Variants in DMD observed in about 807,000 individuals in gnomAD.
DMD encodes dystrophin.
In DMD, 63 loss-of-function variants were observed where a neutral mutation model predicts 330.1. The ratio of observed to expected loss-of-function variants is 0.19; its 90% CI spans 0.16 to 0.24. The LOEUF is 0.24. DMD is among the 10% of genes least tolerant of loss of function. The probability of loss-of-function intolerance (pLI) is 1.00; values close to 1 mark genes in which losing one functional copy is unlikely to be tolerated. For synonymous variants in DMD, 1,223 were observed against 959.8 expected (o/e 1.27, Z -5.07); for missense variants, 3,344 against 2,684.1 (o/e 1.25, Z -5.43).
rs113826793 is a variant in DMD at position 32,563,282 on chromosome X, G to A, written c.1992+2420C>T. On this transcript the variant is annotated intron_variant, in intron 16 of 78. Coordinates refer to ENST00000357033, the MANE Select transcript of DMD (RefSeq NM_004006.3). ...GGTGTGAACCCAGGAGGCAGAGCTTGCAGTGAGCTGAGATTGTGCCACTGC... is the reference window on the plus strand; with the variant it reads ...GGTGTGAACCCAGGAGGCAGAGCTTACAGTGAGCTGAGATTGTGCCACTGC... Among the ~76,000 whole-genome samples, 920 of 98,395 alleles carry A rather than the reference G, an allele frequency of 9.4e-3. 11 individuals carry two copies. Among genetic ancestry groups the A allele is most frequent in the African/African-American group, 0.033 (865 of 26,069 alleles). 85.4% of individuals were successfully genotyped at this position (98,395 alleles called of 115,157 possible).
rs1239658853 is a variant in DMD at position 31,940,247 on chromosome X, G to A, written c.6615-8020C>T. ...AAGGGTGATCATAGAAGGTTCCATG[G>A]AGAAGGAGACATTTGAGCAAAGTCC... On this transcript the variant is annotated intron_variant, in intron 45 of 78. Transcript: ENST00000357033. 2.7e-5 allele frequency among the ~76,000 whole-genome samples: 3 copies of A among 111,861 alleles called. No individual in the cohort carries two copies. The Admixed American group carries it at 2.8e-4, about 11-fold the overall frequency.
chrX:32,838,081 AGTG>A (rs2079816040), intron 4 of DMD, among the ~76,000 whole-genome samples: 1 of 111,776 alleles, frequency 8.9e-6, no homozygotes. Flanking sequence ...TAAACTTGAC[AGTG>A]GTGAATTAAT....
intron 7 of DMD, among the ~76,000 whole-genome samples, chrX:32,738,100 C>G (rs1384209618): frequency 9.0e-6 from 1 of 111,338 alleles, no homozygotes; most frequent in African/African-American, 3.3e-5. Context: ...GAAATATGGG[C>G]AAAACTGATG....
chrX:33,218,684 C>T (rs1306822166), intron 1 of DMD, among the ~76,000 whole-genome samples: 3 of 111,634 alleles, frequency 2.7e-5, no homozygotes, highest in African/African-American at 9.7e-5. Context: ...TCATTATGTG[C>T]TTGAGTACTT....
chrX:32,508,161 C>T (rs1376770681), intron 18 of DMD, among the ~76,000 whole-genome samples: 1 of 111,108 alleles, frequency 9.0e-6, no homozygotes, highest in Non-Finnish European at 1.9e-5. Flanking sequence ...TGATTACCAA[C>T]TCTGTATACA....
chrX:31,704,734 T>C (rs1037544568), intron 52 of DMD, among the ~76,000 whole-genome samples: 2 of 111,961 alleles, frequency 1.8e-5, no homozygotes, highest in Non-Finnish European at 3.8e-5. Flanking sequence ...AGTTCTTTAA[T>C]AAATAAAGAG....
intron 62 of DMD, among the ~76,000 whole-genome samples, chrX:31,293,131 T>TCC (rs1491168238): frequency 9.7e-6 from 1 of 103,291 alleles, no homozygotes; most frequent in Non-Finnish European, 2.0e-5. Context: ...ATATTCGCTT[T>TCC]CTCTCTCTCT....
chrX:31,924,301 G>A (rs1475310677), intron 47 of DMD, among the ~76,000 whole-genome samples: 1 of 112,040 alleles, frequency 8.9e-6, no homozygotes, highest in African/African-American at 3.2e-5. Context: ...CCAAGCTCTA[G>A]CTTTATTTAA....
intron 6 of DMD, among the ~76,000 whole-genome samples, chrX:32,814,220 G>A (rs188367448): frequency 8.9e-6 from 1 of 112,293 alleles, no homozygotes; most frequent in Non-Finnish European, 1.9e-5. Context: ...TATAGTTATT[G>A]TAATTTTATC....
intron 1 of DMD, among the ~76,000 whole-genome samples, chrX:33,098,465 G>C (rs1001331541): frequency 9.0e-6 from 1 of 111,330 alleles, no homozygotes; most frequent in Non-Finnish European, 1.9e-5. Flanking sequence ...TAAAAATTGT[G>C]AGGAGCTTAG....
chrX:33,016,961 G>C (rs1161428375), intron 2 of DMD, among the ~76,000 whole-genome samples: 7 of 111,541 alleles, frequency 6.3e-5, no homozygotes, highest in Non-Finnish European at 7.5e-5. Flanking sequence ...TAAATTACAT[G>C]GAAAGAATAT....
chrX:32,326,099 A>G (rs2097649332), intron 41 of DMD, among the ~76,000 whole-genome samples: 1 of 112,061 alleles, frequency 8.9e-6, no homozygotes, highest in Non-Finnish European at 1.9e-5. Context: ...CTGGCACATT[A>G]GACCATCTTT....
intron 22 of DMD, 91 bp from the exon 23 acceptor site, chrX:32,468,801 G>A: frequency 1.3e-6 from 1 of 744,696 alleles, no homozygotes; most frequent in Non-Finnish European, 2.0e-6. Flanking sequence ...AAATCTATAT[G>A]ATTCAAACAT....
At chrX:32,660,945 A>C (rs1406894682) in intron 9 of DMD, among the ~76,000 whole-genome samples, 1 of 111,377 alleles carries the variant, frequency 9.0e-6, no homozygotes, top group Non-Finnish European at 1.9e-5. Flanking sequence ...GTTCATAGAC[A>C]TAGCAGCACA....
chrX:32,254,058 T>G (rs779288543), intron 43 of DMD, among the ~76,000 whole-genome samples: 1 of 111,420 alleles, frequency 9.0e-6, no homozygotes, highest in South Asian at 3.8e-4. Flanking sequence ...TTGTTTGTTT[T>G]TGAGACAGAG....
At chrX:32,810,579 A>C (rs1569526837) in intron 6 of DMD, among the ~76,000 whole-genome samples, 6 of 111,825 alleles carry the variant, frequency 5.4e-5, no homozygotes, top group African/African-American at 2.0e-4. Context: ...CTCTCACACA[A>C]CATTTAATTC....
chrX:31,179,019 A>G (rs966693745), intron 69 of DMD, among the ~76,000 whole-genome samples: 1 of 111,973 alleles, frequency 8.9e-6, no homozygotes, highest in Admixed American at 9.5e-5. Context: ...GGCTCTGATC[A>G]TCAGTAAAAT....
chrX:32,876,639 T>C, intron 2 of DMD, among the ~76,000 whole-genome samples: 1 of 112,326 alleles, frequency 8.9e-6, no homozygotes, highest in Middle Eastern at 4.6e-3. Flanking sequence ...TGACTTGAAG[T>C]TGTTGTAGGT....
At chrX:31,235,588 T>C (rs901680749) in intron 63 of DMD, among the ~76,000 whole-genome samples, 8 of 112,543 alleles carry the variant, frequency 7.1e-5, no homozygotes, top group Admixed American at 1.9e-4. Context: ...ATAAATGTAT[T>C]TGGAATAAAA....
Sources: allele counts gnomAD v4.1 joint callset (sites outside exome capture counted in the v4.1 genomes callset), GRCh38; gene constraint gnomAD v4.1.1; transcripts MANE v1.5; gene names NCBI Gene and HGNC (gene_info 2026-07-23, HGNC 2026-07-21).